Variants in ZNF707 observed in about 807,000 individuals in gnomAD.
ZNF707 encodes zinc finger protein 707.
A neutral mutation model predicts 13.3 loss-of-function variants in ZNF707; 8 were observed. That is an observed-to-expected ratio of 0.60 (90% confidence interval 0.35 to 1.09). The LOEUF (loss-of-function observed/expected upper bound fraction) is 1.09, where lower values mean the gene tolerates loss of function less well. Among genes scored for constraint, ZNF707 ranks in the 50% least tolerant of loss-of-function variants. The pLI is 0.02. For synonymous variants in ZNF707, 225 were observed against 205.6 expected, an observed-to-expected ratio of 1.09 and a Z score of -0.81; for missense variants, 530 against 512.6, an observed-to-expected ratio of 1.03 and a Z score of -0.33.
At chr8:143,689,467 C>T (rs1401489367) in intron 2 of ZNF707, among the ~76,000 whole-genome samples, 166 bp downstream of exon 2, 1 of 152,130 alleles carries the variant, frequency 6.6e-6, no homozygotes, top group Non-Finnish European at 1.5e-5. Flanking sequence ...CTCTACAGAC[C>T]TGGGGGTAGA....
In ZNF707 at chr8:143,694,432, A is replaced by T. The variant is rs1260595079; in HGVS notation, c.1018A>T (p.Thr340Ser). The T allele has an allele frequency of 6.2e-7, 1 of 1,612,280 alleles. No individual in the cohort carries two copies. The highest frequency in any genetic ancestry group is 8.5e-7 in the Non-Finnish European group (1 of 1,179,658). Reference sequence around the variant, plus strand: ...CAGCATCCACCGGAGGCTGCACCTGACGAAGAGGTTCTACGAGTGCGGCCA... The same window carrying T: ...CAGCATCCACCGGAGGCTGCACCTGTCGAAGAGGTTCTACGAGTGCGGCCA... ...GFSIHRRLHL[T>S]KRFYECGHCG... The change falls in exon 6 of 6, where the codon ACG becomes TCG. Residue 340 changes from threonine to serine, a missense_variant. Transcript: ENST00000358656. The surrounding 1 kb of genome is among the most constrained non-coding windows in gnomAD (Gnocchi z 4.4).
In ZNF707 at chr8:143,694,402, G is replaced by C; in HGVS notation, c.988G>C (p.Gly330Arg). ...CGGCAAGTCCTTCCGGTGGCCCAAG[G>C]GCTTCAGCATCCACCGGAGGCTGCA... ...ECGKSFRWPK[G>R]FSIHRRLHLT... The change falls in exon 6 of 6, where the codon GGC (glycine) becomes CGC (arginine). Residue 330 changes from glycine (G) to arginine (R), a missense_variant. Transcript: ENST00000358656. This position sits in a 1 kb window ranked among gnomAD's most constrained non-coding sequence, Gnocchi z 4.4. 6.2e-7 allele frequency: 1 copy of C among 1,612,390 alleles called. No individual in the cohort carries two copies. The highest frequency in any genetic ancestry group is 8.5e-7 in the Non-Finnish European group (1 of 1,179,596).
rs1260457758 is a variant in ZNF707, at chr8:143,694,997, G to A, written c.*467G>A. 1 of 167,450 alleles carries A rather than the reference G, an allele frequency of 6.0e-6. No individual in the cohort carries two copies. Among genetic ancestry groups the A allele is most frequent in the South Asian group, 1.8e-4 (1 of 5,618 alleles). The allele number at this position is 167,450 out of a possible 1,614,324, so 10.4% of individuals were successfully genotyped here. On this transcript the variant is annotated 3_prime_UTR_variant, in exon 6 of 6. Transcript: ENST00000358656. The surrounding 1 kb of genome is among the most constrained non-coding windows in gnomAD (Gnocchi z 4.4). ...TGTCTCTGTCTTGGGCGAGGCAGCT[G>A]TGAGCATTGCACAGAGGCAAAGACC... is the stretch of plus-strand genomic sequence containing the variant.
rs1554613481 is a variant in ZNF707, at chr8:143,691,174, C to A, written c.117C>A (p.Asp39Glu). 2.5e-6 allele frequency: 4 copies of A among 1,613,446 alleles called. No homozygotes were observed. The highest frequency in any genetic ancestry group is 1.6e-4 in the Middle Eastern group (1 of 6,062). The change falls in exon 4 of 6, where the codon GAC (aspartate) becomes GAA (glutamate). Residue 39 changes from aspartate (D) to glutamate (E), a missense_variant. Asp to Glu is a conservative substitution (Grantham distance 45). Transcript: ENST00000358656. Reference sequence around the variant, plus strand: ...CCCTCTACCGGGACGTGATGCTGGACAACTTCAGCAGTGTGGCTGCTCTGG... The same window carrying A: ...CCCTCTACCGGGACGTGATGCTGGAAAACTTCAGCAGTGTGGCTGCTCTGG... Reference protein sequence around the residue: ...QRALYRDVMLDNFSSVAALGF... With the variant: ...QRALYRDVMLENFSSVAALGF...
chr8:143,686,497 G>A (rs372205857), intron 1 of ZNF707, among the ~76,000 whole-genome samples: 169 of 152,280 alleles, frequency 1.1e-3, no homozygotes, highest in African/African-American at 3.7e-3. Context: ...TTTATAGACC[G>A]TTGTATAACT....
rs782812975 is a variant in ZNF707 at position 143,692,367 on chromosome 8, T to C, written c.256+654T>C. 4.8e-4 allele frequency: 605 copies of C among 1,258,290 alleles called. 6 individuals carry two copies. The African/African-American group carries it at 0.011, about 22-fold the overall frequency. The allele number at this position is 1,258,290 out of a possible 1,614,324, so 77.9% of individuals were successfully genotyped here. A position where few individuals can be genotyped will look rare whatever the true frequency, so the allele number is the denominator to read the frequency against. On this transcript the variant is annotated intron_variant, in intron 5 of 5. Transcript: ENST00000358656. ...CCCCGACTGTGGAGTGTCAGGTCCC[T>C]GGGTGTGTGGAGCCCCTGACTCTGG...
Position 143,694,178 on chromosome 8 carries a change from C to A in ZNF707, c.764C>A (p.Thr255Asn). ...DRLAQHRKVH[T>N]EHRPYSCGDC... is the part of the protein sequence containing the mutation. ...CTGGCTCAGCACCGCAAGGTCCACA[C>A]CGAGCACAGGCCCTACTCGTGTGGC... The change falls in exon 6 of 6, where the codon ACC becomes AAC. Residue 255 changes from threonine to asparagine, a missense_variant. Thr to Asn is a moderately conservative substitution (Grantham distance 65). Coordinates refer to ENST00000358656, the MANE Select transcript of ZNF707 (RefSeq NM_001100598.2). This position sits in a 1 kb window ranked among gnomAD's most constrained non-coding sequence, Gnocchi z 4.4. 6.3e-7 allele frequency: 1 copy of A among 1,576,074 alleles called. No individual in the cohort carries two copies. The highest frequency in any genetic ancestry group is 8.6e-7 in the Non-Finnish European group (1 of 1,160,490).
Position 143,693,460 on chromosome 8 carries a change from TG to T in ZNF707, c.257-210del, listed in dbSNP as rs1407286554. ...CCGCCACTGCGCCCGGCTAATTTTTTGTATTTTTTTTTTTTTAGTAGAGACG... is the reference window on the plus strand; with the variant it reads ...CCGCCACTGCGCCCGGCTAATTTTTTTATTTTTTTTTTTTTAGTAGAGACG... On this transcript the variant is annotated intron_variant, in intron 5 of 5. Coordinates refer to ENST00000358656, the MANE Select transcript of ZNF707 (RefSeq NM_001100598.2). The surrounding 1 kb of genome is among the most constrained non-coding windows in gnomAD (Gnocchi z 4.1). Among the ~76,000 whole-genome samples the T allele has an allele frequency of 1.4e-5, 1 of 71,456 alleles. No individual in the cohort carries two copies. The highest frequency in any genetic ancestry group is 2.1e-4 in the East Asian group (1 of 4,820). The allele number at this position is 71,456 out of a possible 152,430, so 46.9% of individuals were successfully genotyped here. A position where few individuals can be genotyped will look rare whatever the true frequency, so the allele number is the denominator to read the frequency against.
intron 1 of ZNF707, among the ~76,000 whole-genome samples, chr8:143,685,345 G>A (rs1816157855): frequency 6.6e-6 from 1 of 152,070 alleles, no homozygotes; most frequent in African/African-American, 2.4e-5. Context: ...TCAGCATGTT[G>A]AAACCTTGTC....
Position 143,694,565 on chromosome 8 carries a change from G to T in ZNF707, c.*35G>T, listed in dbSNP as rs1191413285. On this transcript the variant is annotated 3_prime_UTR_variant, in exon 6 of 6. Transcript: ENST00000358656. This position sits in a 1 kb window ranked among gnomAD's most constrained non-coding sequence, Gnocchi z 4.4. The stretch of plus-strand genomic sequence containing the variant: ...AAGAGTGGGGTGCTGCGCCTCTGCG[G>T]GAGTACTGGGTCCTGAGGGAGAGCT... The T allele has an allele frequency of 7.8e-6, 12 of 1,547,978 alleles. No homozygotes were observed. The highest frequency in any genetic ancestry group is 1.4e-5 in the African/African-American group (1 of 73,548).
Position 143,684,508 on chromosome 8 carries a change from G to C in ZNF707, c.-185G>C, listed in dbSNP as rs1587360615. ...AAGTCTGGGCTACCGGCGCGGCGTA[G>C]TGGATGCAGCATCCTAGTGGAGGAC... On this transcript the variant is annotated 5_prime_UTR_variant, in exon 1 of 6. Transcript: ENST00000358656. 1 of 152,398 alleles carries C rather than the reference G, an allele frequency of 6.6e-6. No homozygotes were observed. Among genetic ancestry groups the C allele is most frequent in the East Asian group, 1.9e-4 (1 of 5,174 alleles). 9.4% of individuals were successfully genotyped at this position (152,398 alleles called of 1,614,324 possible). A position where few individuals can be genotyped will look rare whatever the true frequency, so the allele number is the denominator to read the frequency against.
chr8:143,690,547 A>G, intron 3 of ZNF707: 1 of 211,346 alleles, frequency 4.7e-6, no homozygotes, highest in South Asian at 1.5e-4. Flanking sequence ...GTGACAGAGC[A>G]AGACTCCGTC....
chr8:143,691,252 T>A, intron 4 of ZNF707, 53 bp downstream of exon 4: 1 of 1,558,184 alleles, frequency 6.4e-7, no homozygotes, highest in South Asian at 1.2e-5. Flanking sequence ...GGGAGAGCTC[T>A]GCCGCTGCCT....
intron 1 of ZNF707, chr8:143,688,577 T>TA (rs1268529374): frequency 2.0e-5 from 3 of 151,682 alleles, no homozygotes; most frequent in African/African-American, 4.8e-5. Flanking sequence ...TTTGGCTTCC[T>TA]AATATTTTTT....
At position 143,691,654 on chromosome 8, in the gene ZNF707, CG is replaced by C; in HGVS notation, c.198del (p.Trp67GlyfsTer106). ...LVSRLEQWEE[P>X]WVEDRERPEF... ...TCTCGCCTGGAACAGTGGGAGGAGC[CG>C]TGGGTTGAAGACCGGGAGAGACCTG... is the stretch of plus-strand genomic sequence containing the variant. On this transcript the variant is annotated frameshift_variant, in exon 5 of 6. Coordinates refer to ENST00000358656, the MANE Select transcript of ZNF707 (RefSeq NM_001100598.2). LOFTEE classifies it high-confidence loss of function. 2 of 1,609,316 alleles carry C rather than the reference CG, an allele frequency of 1.2e-6. No individual in the cohort carries two copies. Among genetic ancestry groups the C allele is most frequent in the Non-Finnish European group, 1.7e-6 (2 of 1,178,268 alleles).
intron 1 of ZNF707, chr8:143,684,767 C>A (rs537041458): frequency 6.6e-6 from 1 of 152,580 alleles, no homozygotes; most frequent in African/African-American, 2.4e-5. Flanking sequence ...TTTGTCAGGA[C>A]CCGGTTGCGT....
In ZNF707 at chr8:143,694,727, C is replaced by A; in HGVS notation, c.*197C>A. The stretch of plus-strand genomic sequence containing the variant: ...GGGAGAAGCAGAGCCATGGGTACGC[C>A]GGAGATGGCGGGGGCTCTGGAGATG... On this transcript the variant is annotated 3_prime_UTR_variant, in exon 6 of 6. Transcript: ENST00000358656. The surrounding 1 kb of genome is among the most constrained non-coding windows in gnomAD (Gnocchi z 4.4). 4.9e-6 allele frequency: 3 copies of A among 612,270 alleles called. No homozygotes were observed. In the East Asian group the frequency reaches 8.9e-5, roughly 18 times the overall value. 37.9% of individuals were successfully genotyped at this position (612,270 alleles called of 1,614,324 possible). A position where few individuals can be genotyped will look rare whatever the true frequency, so the allele number is the denominator to read the frequency against.
chr8:143,694,020 G>C lies in ZNF707; in HGVS notation c.606G>C (p.Lys202Asn). The change falls in exon 6 of 6, where the codon AAG becomes AAC. Residue 202 changes from lysine (K) to asparagine (N), a missense_variant. By Grantham distance (94) the Lys-to-Asn change is moderately conservative (BLOSUM62 0). Coordinates refer to ENST00000358656, the MANE Select transcript of ZNF707 (RefSeq NM_001100598.2). The surrounding 1 kb of genome is among the most constrained non-coding windows in gnomAD (Gnocchi z 4.4). ...LAHQTVHTGT[K>N]AFECPECGQT... The stretch of plus-strand genomic sequence containing the variant: ...ACCAGACGGTGCACACGGGAACCAA[G>C]GCCTTCGAGTGCCCCGAGTGCGGCC... 1 of 1,605,364 alleles carries C rather than the reference G, an allele frequency of 6.2e-7. No individual in the cohort carries two copies. Among genetic ancestry groups the C allele is most frequent in the South Asian group, 1.1e-5 (1 of 90,316 alleles).
Position 143,694,391 on chromosome 8 carries a change from G to C in ZNF707, c.977G>C (p.Arg326Pro), listed in dbSNP as rs918544541. Residue 326 changes from arginine (R) to proline (P), a missense_variant, in exon 6 of 6, where the codon CGG becomes CCG. By Grantham distance (103) the Arg-to-Pro change is moderately radical (BLOSUM62 -2). Transcript: ENST00000358656. The surrounding 1 kb of genome is among the most constrained non-coding windows in gnomAD (Gnocchi z 4.4). ...YTCAECGKSF[R>P]WPKGFSIHRR... ...TGTGCCGAGTGCGGCAAGTCCTTCC[G>C]GTGGCCCAAGGGCTTCAGCATCCAC... 1 of 1,612,246 alleles carries C rather than the reference G, an allele frequency of 6.2e-7. No individual in the cohort carries two copies. Among genetic ancestry groups the C allele is most frequent in the East Asian group, 2.2e-5 (1 of 44,844 alleles).
Sources: allele counts gnomAD v4.1 joint callset (sites outside exome capture counted in the v4.1 genomes callset), GRCh38; gene constraint gnomAD v4.1.1; non-coding constraint Gnocchi (gnomAD v3.1); transcripts MANE v1.5; gene names NCBI Gene and HGNC (gene_info 2026-07-23, HGNC 2026-07-21).